Variants in LRP1 observed in about 807,000 individuals in gnomAD.
LRP1 encodes LDL receptor related protein 1, also known as prolow-density lipoprotein receptor-related protein 1.
A neutral mutation model predicts 541.5 loss-of-function variants in LRP1; 51 were observed. The ratio of observed to expected loss-of-function variants is 0.09; its 90% CI spans 0.08 to 0.12. The LOEUF (loss-of-function observed/expected upper bound fraction) is 0.12, where lower values mean the gene tolerates loss of function less well. Ranked by LOEUF, LRP1 falls within the 10% of genes least tolerant of loss-of-function variation. The probability of loss-of-function intolerance (pLI) is 1.00; values close to 1 mark genes in which losing one functional copy is unlikely to be tolerated. For missense variants in LRP1, 3,878 were observed against 6,376.2 expected (o/e 0.61, Z 13.34); for synonymous variants, 2,219 against 2,470.8 (o/e 0.90, Z 3.02).
rs757497414 is a variant in LRP1, at chr12:57,210,151, C to A, written c.12562C>A (p.Pro4188Thr). Residue 4188 changes from proline (P) to threonine (T), a missense_variant, in exon 81 of 89, where the codon CCA becomes ACA. Around this residue, in one of 13 missense-constraint regions of LRP1, gnomAD observed 871 missense variants for 1,212.4 expected, o/e 0.72. Transcript: ENST00000243077. ...DNGTCVPVPS[P>T]TPPPDAPRPG... ...CGGCACATGCGTGCCTGTGCCCTCTCCAACGCCCCCCCCAGATGGTATGCT... is the reference window on the plus strand; with the variant it reads ...CGGCACATGCGTGCCTGTGCCCTCTACAACGCCCCCCCCAGATGGTATGCT... The A allele has an allele frequency of 1.2e-6, 2 of 1,604,428 alleles. No individual in the cohort carries two copies. The highest frequency in any genetic ancestry group is 1.7e-6 in the Non-Finnish European group (2 of 1,174,894).
At chr12:57,203,103 G>C in intron 68 of LRP1, 78 bp from the exon 69 acceptor site, 1 of 1,072,726 alleles carries the variant, frequency 9.3e-7, no homozygotes, top group Non-Finnish European at 1.3e-6. Context: ...TGGGCCTTGG[G>C]CTCGGGACTG....
chr12:57,170,872 T>C (rs2035932385), intron 20 of LRP1, among the ~76,000 whole-genome samples: 2 of 152,126 alleles, frequency 1.3e-5, no homozygotes, highest in South Asian at 4.1e-4. Flanking sequence ...GCAGGCCTCA[T>C]CTGACCCATG....
chr12:57,187,514 A>C (rs1306037619), intron 42 of LRP1, 58 bp downstream of exon 42: 2 of 1,548,182 alleles, frequency 1.3e-6, no homozygotes, highest in Non-Finnish European at 8.8e-7. Flanking sequence ...GGGTGGCAGA[A>C]ACTCCCCAGG....
rs568195291 is a variant in LRP1 at position 57,183,273 on chromosome 12, G to T, written c.5663-106G>T. The T allele has an allele frequency of 3.3e-5, 40 of 1,230,202 alleles. No individual in the cohort carries two copies. Among genetic ancestry groups the T allele is most frequent in the Non-Finnish European group, 4.3e-5 (37 of 864,036 alleles). 76.2% of individuals were successfully genotyped at this position (1,230,202 alleles called of 1,614,324 possible). Reference sequence around the variant, plus strand: ...GGGTGGAGGATAGGGATGATGGTGGGGGGGGATGATATCAAAGGAGAAGCA... The same window carrying T: ...GGGTGGAGGATAGGGATGATGGTGGTGGGGGATGATATCAAAGGAGAAGCA... On this transcript the variant is annotated intron_variant, in intron 34 of 88. Coordinates refer to ENST00000243077, the MANE Select transcript of LRP1 (RefSeq NM_002332.3). This position sits in a 1 kb window ranked among gnomAD's most constrained non-coding sequence, Gnocchi z 6.1.
rs750338264 is a variant in LRP1, at chr12:57,205,424, A to G, written c.11409A>G (p.Lys3803=). The G allele has an allele frequency of 2.8e-5, 45 of 1,609,810 alleles. No homozygotes were observed. Among genetic ancestry groups the G allele is most frequent in the Middle Eastern group, 3.3e-4 (2 of 6,062 alleles). Residue 3803 remains lysine, a synonymous_variant, in exon 74 of 89, where the codon AAA becomes AAG. Transcript: ENST00000243077. This position sits in a 1 kb window ranked among gnomAD's most constrained non-coding sequence, Gnocchi z 4.6. The part of the protein sequence containing the change: ...GDEARCVRTE[K]AAYCACRSGF... ...AGGCACGCTGCGTGCGCACCGAGAAAGCGGCCTACTGTGCCTGCCGCTCGG... is the reference window on the plus strand; with the variant it reads ...AGGCACGCTGCGTGCGCACCGAGAAGGCGGCCTACTGTGCCTGCCGCTCGG...
intron 6 of LRP1, among the ~76,000 whole-genome samples, chr12:57,148,454 C>T (rs923492270): frequency 1.3e-5 from 2 of 152,110 alleles, no homozygotes; most frequent in Admixed American, 1.3e-4. Context: ...CTCACCCCCA[C>T]CTCTGACCAG....
chr12:57,138,922 G>A (rs1592601910), intron 2 of LRP1, among the ~76,000 whole-genome samples: 1 of 152,210 alleles, frequency 6.6e-6, no homozygotes, highest in East Asian at 1.9e-4. Flanking sequence ...CTTGATGATT[G>A]GCCCCAGGTC....
intron 76 of LRP1, 88 bp from the exon 77 acceptor site, chr12:57,207,950 G>A: frequency 6.9e-7 from 1 of 1,445,202 alleles, no homozygotes; most frequent in Non-Finnish European, 9.6e-7. Flanking sequence ...AGCCTGGGGT[G>A]ACGTTCCAGC....
chr12:57,133,218 GAGA>G (rs2035075725), intron 1 of LRP1, among the ~76,000 whole-genome samples: 1 of 151,880 alleles, frequency 6.6e-6, no homozygotes, highest in South Asian at 2.1e-4. Context: ...GGGGTGGGGG[GAGA>G]AGGAGAGGAG....
chr12:57,143,807 G>C lies in LRP1; in HGVS notation c.448+9G>C, dbSNP rs764705352. The C allele has an allele frequency of 6.2e-7, 1 of 1,612,316 alleles. No individual in the cohort carries two copies. Among genetic ancestry groups the C allele is most frequent in the Admixed American group, 1.7e-5 (1 of 59,880 alleles). On this transcript the variant is annotated intron_variant, in intron 4 of 88. Transcript: ENST00000243077. ...TGGCAAGACCTGCAAAGGTATGTGA[G>C]TGCATGTGCCTGTGTGCATGTGTGT...
In LRP1 at chr12:57,189,110, G is replaced by A. The variant is rs1038628788; in HGVS notation, c.7031+1654G>A. The stretch of plus-strand genomic sequence containing the variant: ...AGAGCTCACAGTAGGATAGTTAGAA[G>A]GTCCGCCATGTTCCTGGACACTGAG... On this transcript the variant is annotated intron_variant, in intron 42 of 88. Coordinates refer to ENST00000243077, the MANE Select transcript of LRP1 (RefSeq NM_002332.3). This position sits in a 1 kb window ranked among gnomAD's most constrained non-coding sequence, Gnocchi z 4.4. Among the ~76,000 whole-genome samples the A allele has an allele frequency of 2.6e-5, 4 of 152,272 alleles. No individual in the cohort carries two copies.
Position 57,179,971 on chromosome 12 carries a change from C to G in LRP1, c.5141+15C>G. On this transcript the variant is annotated intron_variant, in intron 30 of 88. Coordinates refer to ENST00000243077, the MANE Select transcript of LRP1 (RefSeq NM_002332.3). The surrounding 1 kb of genome is among the most constrained non-coding windows in gnomAD (Gnocchi z 6.8). Reference sequence around the variant, plus strand: ...CCTCTGCGTGGGTCAGTCTAGGGCCCAGGGCCGGGGAGCATGGGGTGTGGG... The same window carrying G: ...CCTCTGCGTGGGTCAGTCTAGGGCCGAGGGCCGGGGAGCATGGGGTGTGGG... The G allele has an allele frequency of 6.2e-7, 1 of 1,613,964 alleles. No homozygotes were observed. Among genetic ancestry groups the G allele is most frequent in the Non-Finnish European group, 8.5e-7 (1 of 1,179,932 alleles).
rs2036233477 is a variant in LRP1, at chr12:57,184,661, T to A, written c.6187-178T>A. Among the ~76,000 whole-genome samples the A allele has an allele frequency of 6.6e-6, 1 of 151,886 alleles. No individual in the cohort carries two copies. Among genetic ancestry groups the A allele is most frequent in the Non-Finnish European group, 1.5e-5 (1 of 67,964 alleles). On this transcript the variant is annotated intron_variant, in intron 38 of 88. Transcript: ENST00000243077. This position sits in a 1 kb window ranked among gnomAD's most constrained non-coding sequence, Gnocchi z 7.8. ...AGTGGGGAGTGGGGGAGTGGAGAGA[T>A]GCCTGGAGGTCACCTTATCAGCAGG... is the stretch of plus-strand genomic sequence containing the variant.
Position 57,211,198 on chromosome 12 carries a change from G to A in LRP1, c.12939G>A (p.Glu4313=), listed in dbSNP as rs772155108. 3.0e-5 allele frequency: 48 copies of A among 1,614,142 alleles called. No homozygotes were observed. Among genetic ancestry groups the A allele is most frequent in the Non-Finnish European group, 3.7e-5 (44 of 1,180,054 alleles). The change falls in exon 84 of 89, where the codon GAG becomes GAA. Residue 4313 remains glutamate, a synonymous_variant. Coordinates refer to ENST00000243077, the MANE Select transcript of LRP1 (RefSeq NM_002332.3). This position sits in a 1 kb window ranked among gnomAD's most constrained non-coding sequence, Gnocchi z 4.3. ...CAGGGCAGTGCTCTGGCTACTGTGA[G>A]AACTTTGGCACATGCCAGATGGCTG... ...CQYRQCSGYC[E]NFGTCQMAAD... is the part of the protein sequence containing the mutation.
chr12:57,199,457 G>C lies in LRP1; in HGVS notation c.9865+57G>C, dbSNP rs990987792. On this transcript the variant is annotated intron_variant, in intron 61 of 88. Coordinates refer to ENST00000243077, the MANE Select transcript of LRP1 (RefSeq NM_002332.3). The stretch of plus-strand genomic sequence containing the variant: ...GGTGAGCCAGGCACCGGGGTCCCTG[G>C]GAGTTCCTGCTCATCCCTTCTCTAG... 5 of 1,559,046 alleles carry C rather than the reference G, an allele frequency of 3.2e-6. No homozygotes were observed. The African/African-American group carries it at 5.4e-5, about 17-fold the overall frequency.
At position 57,194,842 on chromosome 12, in the gene LRP1, CAG is replaced by C. The variant is rs2036494142; in HGVS notation, c.8192-139_8192-138del. On this transcript the variant is annotated intron_variant, in intron 50 of 88. Coordinates refer to ENST00000243077, the MANE Select transcript of LRP1 (RefSeq NM_002332.3). The stretch of plus-strand genomic sequence containing the variant: ...ACACCCCAACTCTTGAGGTCAGACT[CAG>C]AGACTCTGCCTCTAGCTGCTGCTGA... The C allele has an allele frequency of 4.1e-6, 5 of 1,226,810 alleles. No homozygotes were observed. In the South Asian group the frequency reaches 5.4e-5, roughly 13 times the overall value. The allele number at this position is 1,226,810 out of a possible 1,614,324, so 76.0% of individuals were successfully genotyped here. A position where few individuals can be genotyped will look rare whatever the true frequency, so the allele number is the denominator to read the frequency against.
chr12:57,198,124 C>T (rs1289917141), intron 58 of LRP1, 32 bp from the exon 59 acceptor site: 1 of 1,578,744 alleles, frequency 6.3e-7, no homozygotes, highest in African/African-American at 1.3e-5. Context: ...CCAGGTCACC[C>T]AGAGCTCTCC....
At chr12:57,200,838 T>TTCCCC in intron 64 of LRP1, 23 bp downstream of exon 64, 4 of 630,264 alleles carry the variant, frequency 6.3e-6, no homozygotes, top group Non-Finnish European at 8.8e-6. Context: ...CCGCCCACCC[T>TTCCCC]CCCTCCTTCC....
Position 57,177,629 on chromosome 12 carries a change from TG to T in LRP1, c.4361+40del. ...TGTGCCCTGAGAAGGCCCAAGTCTG[TG>T]GCACCAGGACGGGGTGGGGAGGAAC... On this transcript the variant is annotated intron_variant, in intron 26 of 88. Coordinates refer to ENST00000243077, the MANE Select transcript of LRP1 (RefSeq NM_002332.3). This position sits in a 1 kb window ranked among gnomAD's most constrained non-coding sequence, Gnocchi z 6.8. 1 of 1,609,552 alleles carries T rather than the reference TG, an allele frequency of 6.2e-7. No individual in the cohort carries two copies. Among genetic ancestry groups the T allele is most frequent in the Non-Finnish European group, 8.5e-7 (1 of 1,177,848 alleles).
Sources: gnomAD v4.1 joint callset for allele counts (sites outside exome capture counted in the v4.1 genomes callset) on GRCh38, gnomAD v4.1.1 for gene constraint, gnomAD v4.1.1 regional missense constraint, Gnocchi (gnomAD v3.1) non-coding constraint, MANE v1.5 for transcripts, NCBI Gene and HGNC (gene_info 2026-07-23, HGNC 2026-07-21) for gene names.